FGF1: variants seen among roughly 807,000 people sequenced by gnomAD.
FGF1 encodes the protein fibroblast growth factor 1.
A neutral mutation model predicts 13.4 loss-of-function variants in FGF1; 9 were observed. The ratio of observed to expected loss-of-function variants is 0.67; its 90% CI spans 0.40 to 1.17. The LOEUF (loss-of-function observed/expected upper bound fraction) is 1.17. Ranked by LOEUF, FGF1 falls within the 50% of genes most tolerant of loss-of-function variation. The pLI is 0.01. For synonymous variants in FGF1, 93 were observed against 79.0 expected, an observed-to-expected ratio of 1.18 and a Z score of -0.94; for missense variants, 156 against 192.7, an observed-to-expected ratio of 0.81 and a Z score of 1.13.
chr5:142,621,290 T>A (rs1268692143), intron 1 of FGF1: 1 of 152,270 alleles, frequency 6.6e-6, no homozygotes, highest in Non-Finnish European at 1.5e-5. Context: ...TACACCCTCA[T>A]ACTCACCCAG....
In FGF1 at chr5:142,636,738, G is replaced by A. The variant is rs60773673; in HGVS notation, c.-34-22577C>T. On this transcript the variant is annotated intron_variant, in intron 1 of 3. Transcript: ENST00000337706. ...TTCTATTACTAGTGAGTAGAGAGAGGGAGGTTGCAGGTAAATGTGCAGAGG... is the reference window on the plus strand; with the variant it reads ...TTCTATTACTAGTGAGTAGAGAGAGAGAGGTTGCAGGTAAATGTGCAGAGG... Among the ~76,000 whole-genome samples the A allele has an allele frequency of 1.1e-3, 160 of 150,586 alleles. 3 individuals carry two copies. Among genetic ancestry groups the A allele is most frequent in the African/African-American group, 3.9e-3 (155 of 39,922 alleles).
At chr5:142,613,861 G>T in intron 2 of FGF1, 98 bp downstream of exon 2, 3 of 1,269,430 alleles carry the variant, frequency 2.4e-6, no homozygotes, top group Non-Finnish European at 3.3e-6. Context: ...ATAGAACCTT[G>T]GAGAAGCAAG....
chr5:142,622,842 G>A (rs148225100), intron 1 of FGF1, among the ~76,000 whole-genome samples: 1 of 152,258 alleles, frequency 6.6e-6, no homozygotes, highest in African/African-American at 2.4e-5. Context: ...GATTGGCCTG[G>A]GCTAGCATCT....
intron 3 of FGF1, among the ~76,000 whole-genome samples, chr5:142,596,443 A>G (rs900262899): frequency 1.4e-4 from 18 of 127,236 alleles, no homozygotes; most frequent in South Asian, 2.4e-4. Flanking sequence ...ATTCTCTACA[A>G]TTTTTTTTTT....
At chr5:142,662,018 A>T (rs959537761) in intron 1 of FGF1, among the ~76,000 whole-genome samples, 1 of 152,062 alleles carries the variant, frequency 6.6e-6, no homozygotes, top group Admixed American at 6.6e-5. Flanking sequence ...CAAAAAACAA[A>T]AAACACACAG....
chr5:142,623,862 C>T (rs1762044105), intron 1 of FGF1, among the ~76,000 whole-genome samples: 1 of 152,062 alleles, frequency 6.6e-6, no homozygotes, highest in Admixed American at 6.5e-5. Context: ...GATCCTCCCA[C>T]CTCAGCCTCC....
rs1042707431 is a variant in FGF1 at position 142,660,719 on chromosome 5, A to G, written c.-35+25238T>C. ...TTTTAATGCCAAAGACACACACTCC[A>G]TATCTTCTTTTCTAACCCCATACCC... On this transcript the variant is annotated intron_variant, in intron 1 of 3. Transcript: ENST00000337706. Among the ~76,000 whole-genome samples the G allele has an allele frequency of 4.6e-5, 7 of 152,158 alleles. No individual in the cohort carries two copies. In the South Asian group the frequency reaches 6.2e-4, roughly 14 times the overall value.
chr5:142,679,813 G>C (rs372668269), intron 1 of FGF1: 14 of 152,326 alleles, frequency 9.2e-5, no homozygotes, highest in African/African-American at 3.4e-4. Flanking sequence ...ATGGCCTAGC[G>C]GGGGAACCTA....
intron 1 of FGF1, among the ~76,000 whole-genome samples, chr5:142,656,420 C>A (rs1385498849): frequency 6.6e-6 from 1 of 152,190 alleles, no homozygotes; most frequent in African/African-American, 2.4e-5. Context: ...GGAAATCTAT[C>A]TTCTTCCCCA....
intron 1 of FGF1, among the ~76,000 whole-genome samples, chr5:142,667,572 C>A (rs1278825802): frequency 7.4e-6 from 1 of 135,818 alleles, no homozygotes; most frequent in Non-Finnish European, 1.5e-5. Context: ...GGGGACAGAG[C>A]GAGACTCCGT....
chr5:142,654,390 G>T (rs549809776), intron 1 of FGF1, among the ~76,000 whole-genome samples: 6 of 152,278 alleles, frequency 3.9e-5, no homozygotes, highest in Non-Finnish European at 8.8e-5. Flanking sequence ...TAGAGAGAAC[G>T]TTAGCTTTAA....
At chr5:142,660,549 A>G (rs1769029298) in intron 1 of FGF1, among the ~76,000 whole-genome samples, 1 of 152,108 alleles carries the variant, frequency 6.6e-6, no homozygotes, top group African/African-American at 2.4e-5. Flanking sequence ...CAGCATCTAT[A>G]TCACGCAGGA....
intron 1 of FGF1, among the ~76,000 whole-genome samples, chr5:142,631,470 A>G (rs1763359648): frequency 6.6e-6 from 1 of 152,214 alleles, no homozygotes; most frequent in East Asian, 1.9e-4. Flanking sequence ...TCTCTTTCCA[A>G]TCACTTTCCC....
chr5:142,618,886 A>G (rs916435679), intron 1 of FGF1, among the ~76,000 whole-genome samples: 2 of 151,346 alleles, frequency 1.3e-5, no homozygotes, highest in African/African-American at 4.9e-5. Flanking sequence ...TGTGTTAAGA[A>G]TCAAAGGAAG....
intron 1 of FGF1, among the ~76,000 whole-genome samples, chr5:142,614,454 A>G (rs1759773113): frequency 6.6e-6 from 1 of 152,168 alleles, no homozygotes; most frequent in South Asian, 2.1e-4. Flanking sequence ...CCATGGGGAA[A>G]AGAATCATGT....
intron 1 of FGF1, among the ~76,000 whole-genome samples, chr5:142,630,191 T>A (rs1763144747): frequency 6.6e-6 from 1 of 152,130 alleles, no homozygotes; most frequent in South Asian, 2.1e-4. Flanking sequence ...CATGCCTGGC[T>A]TAAAATATGA....
At chr5:142,680,508 C>A (rs1161831475) in intron 1 of FGF1, among the ~76,000 whole-genome samples, 1 of 152,170 alleles carries the variant, frequency 6.6e-6, no homozygotes, top group Non-Finnish European at 1.5e-5. Flanking sequence ...GAGTTCAAAT[C>A]CCCACTCAGT....
At chr5:142,596,874 A>T (rs1755395626) in intron 3 of FGF1, among the ~76,000 whole-genome samples, 1 of 152,250 alleles carries the variant, frequency 6.6e-6, no homozygotes, top group Non-Finnish European at 1.5e-5. Flanking sequence ...ACTGATAAAC[A>T]TCCTGCCTTA....
chr5:142,686,347 A>T (rs985997210), upstream of FGF1: 1 of 152,694 alleles, frequency 6.5e-6, no homozygotes, highest in Non-Finnish European at 1.5e-5. Flanking sequence ...AGCAACCCCT[A>T]CTCTGGACAG....
Sources: allele counts gnomAD v4.1 joint callset (sites outside exome capture counted in the v4.1 genomes callset), GRCh38; gene constraint gnomAD v4.1.1; transcripts MANE v1.5; gene names NCBI Gene and HGNC (gene_info 2026-07-23, HGNC 2026-07-21).